The following FUCA1 variants were observed in gnomAD, a reference collection of about 807,000 sequenced individuals.
The protein encoded by FUCA1 is alpha-L-fucosidase 1.
A neutral mutation model predicts 56.8 loss-of-function variants in FUCA1; 52 were observed. The observed-to-expected ratio is 0.92, with a 90% confidence interval of 0.73 to 1.15. The LOEUF (loss-of-function observed/expected upper bound fraction) is 1.15, where lower values mean the gene tolerates loss of function less well. Among genes scored for constraint, FUCA1 ranks in the 50% most tolerant of loss-of-function variants. The pLI, the probability that FUCA1 is intolerant of heterozygous loss-of-function variation, is 0.00. For synonymous variants in FUCA1, 230 were observed against 226.6 expected (o/e 1.02, Z -0.14); for missense variants, 568 against 592.6 (o/e 0.96, Z 0.43).
rs527934927 is a variant in FUCA1, at chr1:23,852,413, C to T, written c.969+1947G>A. Among the ~76,000 whole-genome samples the T allele has an allele frequency of 9.9e-5, 15 of 151,914 alleles. No individual in the cohort carries two copies. In the South Asian group the frequency reaches 3.1e-3, roughly 32 times the overall value. ...CTATTGCCTGCATGACAGAGCAAGACCCCATTTCATTAAAAAAAACAAAAA... is the reference window on the plus strand; with the variant it reads ...CTATTGCCTGCATGACAGAGCAAGATCCCATTTCATTAAAAAAAACAAAAA... On this transcript the variant is annotated intron_variant, in intron 5 of 7. Transcript: ENST00000374479.
intron 4 of FUCA1, among the ~76,000 whole-genome samples, chr1:23,855,780 T>G (rs1489647699): frequency 6.6e-6 from 1 of 152,198 alleles, no homozygotes; most frequent in Non-Finnish European, 1.5e-5. Flanking sequence ...AGAACAGGTA[T>G]GTAAAAGCCA....
intron 2 of FUCA1, among the ~76,000 whole-genome samples, 179 bp from the exon 3 acceptor site, chr1:23,863,450 G>A (rs1639553892): frequency 6.6e-6 from 1 of 152,122 alleles, no homozygotes; most frequent in South Asian, 2.1e-4. Context: ...AGCAAAATGA[G>A]GTTTACTGTG....
chr1:23,846,555 G>C (rs1185103108), intron 6 of FUCA1, among the ~76,000 whole-genome samples: 1 of 151,738 alleles, frequency 6.6e-6, no homozygotes, highest in Non-Finnish European at 1.5e-5. Flanking sequence ...ACAAGTATGA[G>C]CCATTGCACT....
chr1:23,858,486 A>G (rs910756934), intron 4 of FUCA1, among the ~76,000 whole-genome samples: 1 of 152,238 alleles, frequency 6.6e-6, no homozygotes, highest in African/African-American at 2.4e-5. Context: ...AATTTGCTAC[A>G]GTGAAGATTA....
chr1:23,862,764 TTC>T (rs1259702794), intron 3 of FUCA1, among the ~76,000 whole-genome samples: 1 of 152,182 alleles, frequency 6.6e-6, no homozygotes, highest in African/African-American at 2.4e-5. Context: ...CAGGAGAGTG[TTC>T]TGTTTAAGGC....
intron 4 of FUCA1, among the ~76,000 whole-genome samples, chr1:23,858,428 G>C (rs1015334927): frequency 6.6e-6 from 1 of 152,152 alleles, no homozygotes; most frequent in African/African-American, 2.4e-5. Flanking sequence ...TTACACTTAA[G>C]ATTTTCCTTT....
At chr1:23,849,044 C>T (rs1639203954) in intron 5 of FUCA1, among the ~76,000 whole-genome samples, 1 of 151,934 alleles carries the variant, frequency 6.6e-6, no homozygotes. Context: ...CTTGGCTCAA[C>T]TGCATCTCGG....
At chr1:23,856,813 A>G (rs1639400062) in intron 4 of FUCA1, among the ~76,000 whole-genome samples, 1 of 152,046 alleles carries the variant, frequency 6.6e-6, no homozygotes, top group African/African-American at 2.4e-5. Context: ...CAACATGGTG[A>G]AACCCCGTCT....
intron 7 of FUCA1, 52 bp from the exon 8 acceptor site, chr1:23,845,907 A>G (rs755434965): frequency 1.2e-6 from 2 of 1,609,368 alleles, no homozygotes; most frequent in African/African-American, 2.7e-5. Context: ...TAATGAGTAT[A>G]GAATACAGGC....
intron 7 of FUCA1, 38 bp downstream of exon 7, chr1:23,846,036 C>T (rs1639131991): frequency 6.4e-7 from 1 of 1,557,382 alleles, no homozygotes; most frequent in Non-Finnish European, 8.9e-7. Flanking sequence ...AATTCCTTTA[C>T]AGAAAGTTAC....
chr1:23,845,536 A>G lies in FUCA1; in HGVS notation c.*179T>C. ...TACAGATATAATCACAATGGATCTCAGATCTTTGGTCCATTTAGACATCAG... is the reference window on the plus strand; with the variant it reads ...TACAGATATAATCACAATGGATCTCGGATCTTTGGTCCATTTAGACATCAG... On this transcript the variant is annotated 3_prime_UTR_variant, in exon 8 of 8. Coordinates refer to ENST00000374479, the MANE Select transcript of FUCA1 (RefSeq NM_000147.5). The G allele has an allele frequency of 2.9e-6, 2 of 694,390 alleles. No homozygotes were observed. The highest frequency in any genetic ancestry group is 5.0e-6 in the Non-Finnish European group (2 of 399,018). The allele number at this position is 694,390 out of a possible 1,614,324, so 43.0% of individuals were successfully genotyped here. A position where few individuals can be genotyped will look rare whatever the true frequency, so the allele number is the denominator to read the frequency against.
chr1:23,846,271 TTTTC>T (rs1198588983), intron 6 of FUCA1, 98 bp from the exon 7 acceptor site: 18 of 839,550 alleles, frequency 2.1e-5, no homozygotes, highest in Non-Finnish European at 3.2e-5. Context: ...TTTTCTTTTC[TTTTC>T]TTTTTTTTTT....
In FUCA1 at chr1:23,868,078, G is replaced by A. The variant is rs770492031; in HGVS notation, c.209C>T (p.Pro70Leu). 4 of 1,611,744 alleles carry A rather than the reference G, an allele frequency of 2.5e-6. No homozygotes were observed. Among genetic ancestry groups the A allele is most frequent in the Non-Finnish European group, 3.4e-6 (4 of 1,179,560 alleles). ...VFIHWGVFSV[P>L]AWGSEWFWWH... ...CCAGAACCACTCGCTGCCCCAGGCG[G>A]GCACCGAGAACACGCCCCAGTGGAT... Residue 70 changes from proline (P) to leucine (L), a missense_variant, in exon 1 of 8, where the codon CCC becomes CTC. Transcript: ENST00000374479.
rs1639201253 is a variant in FUCA1 at position 23,848,920 on chromosome 1, G to C, written c.970-81C>G. 4.2e-6 allele frequency: 5 copies of C among 1,191,140 alleles called. No homozygotes were observed. In the Admixed American group the frequency reaches 8.8e-5, roughly 21 times the overall value. 73.8% of individuals were successfully genotyped at this position (1,191,140 alleles called of 1,614,324 possible). A position where few individuals can be genotyped will look rare whatever the true frequency, so the allele number is the denominator to read the frequency against. ...GCTTAAAATAGACAGAGAAGAAAAA[G>C]AATCTAGGGCACACTCTGTTTTTTA... On this transcript the variant is annotated intron_variant, in intron 5 of 7. Coordinates refer to ENST00000374479, the MANE Select transcript of FUCA1 (RefSeq NM_000147.5).
intron 5 of FUCA1, among the ~76,000 whole-genome samples, chr1:23,852,979 C>A (rs1408500309): frequency 3.1e-4 from 46 of 150,266 alleles, no homozygotes; most frequent in African/African-American, 1.1e-3. Context: ...GCTACCCAGT[C>A]TGGAAAATGA....
Position 23,867,987 on chromosome 1 carries a change from G to A in FUCA1, c.300C>T (p.Gly100=), listed in dbSNP as rs1639660177. The A allele has an allele frequency of 5.6e-6, 9 of 1,601,642 alleles. No homozygotes were observed. The highest frequency in any genetic ancestry group is 7.7e-6 in the Non-Finnish European group (9 of 1,175,306). ...QRFMRDNYPP[G]FSYADFGPQF... is the part of the protein sequence containing the mutation. ...GCGGTCCGAAGTCGGCGTAGCTGAA[G>A]CCGGGCGGGTAGTTGTCGCGCATGA... The change falls in exon 1 of 8, where the codon GGC becomes GGT. Residue 100 remains glycine, a synonymous_variant. Coordinates refer to ENST00000374479, the MANE Select transcript of FUCA1 (RefSeq NM_000147.5). This position sits in a 1 kb window ranked among gnomAD's most constrained non-coding sequence, Gnocchi z 4.9.
At chr1:23,848,965 A>ATTTT in intron 5 of FUCA1, 126 bp from the exon 6 acceptor site, 1 of 659,746 alleles carries the variant, frequency 1.5e-6, no homozygotes, top group Non-Finnish European at 2.5e-6. Flanking sequence ...TGCTGTTTTA[A>ATTTT]TTTTTTTTTT....
At position 23,862,386 on chromosome 1, in the gene FUCA1, C is replaced by T. The variant is rs1047268082; in HGVS notation, c.662+748G>A. On this transcript the variant is annotated intron_variant, in intron 3 of 7. Transcript: ENST00000374479. ...TTCACCGTGTTGGCCAGGCTGGTCT[C>T]GAACTCCTGACTTCAAGTGATCTGC... is the stretch of plus-strand genomic sequence containing the variant. Among the ~76,000 whole-genome samples the T allele has an allele frequency of 3.3e-5, 5 of 152,264 alleles. No homozygotes were observed. In the South Asian group the frequency reaches 1.0e-3, roughly 32 times the overall value.
chr1:23,849,641 G>A (rs1374362967), intron 5 of FUCA1, among the ~76,000 whole-genome samples: 1 of 137,292 alleles, frequency 7.3e-6, no homozygotes, highest in Non-Finnish European at 1.5e-5. Flanking sequence ...GGAGTGCAGT[G>A]GCACAATCTC....
Sources: gnomAD v4.1 joint callset for allele counts (sites outside exome capture counted in the v4.1 genomes callset) on GRCh38, gnomAD v4.1.1 for gene constraint, Gnocchi (gnomAD v3.1) non-coding constraint, MANE v1.5 for transcripts, NCBI Gene and HGNC (gene_info 2026-07-23, HGNC 2026-07-21) for gene names.